Variants in SPSB1 observed in about 807,000 individuals in gnomAD.
SPSB1 encodes the protein splA/ryanodine receptor domain and SOCS box containing 1.
SPSB1 carries 8 observed loss-of-function variants against 21.2 expected under a neutral mutation model. The observed-to-expected ratio is 0.38, with a 90% CI of 0.22 to 0.68. SPSB1 has a LOEUF of 0.68. Among genes scored for constraint, SPSB1 ranks in the 30% least tolerant of loss-of-function variants. The probability of loss-of-function intolerance (pLI) is 0.53; values close to 1 mark genes in which losing one functional copy is unlikely to be tolerated. For missense variants in SPSB1, 242 were observed against 377.8 expected (o/e 0.64, Z 2.98); for synonymous variants, 169 against 161.7 (o/e 1.05, Z -0.34).
At chr1:9,336,926 T>G (rs1640014357) in intron 1 of SPSB1, among the ~76,000 whole-genome samples, 1 of 152,166 alleles carries the variant, frequency 6.6e-6, no homozygotes, top group Non-Finnish European at 1.5e-5. Flanking sequence ...CACCTCCCCT[T>G]CTGGTGCCTG....
At chr1:9,301,391 T>C (rs1380295660) in intron 1 of SPSB1, among the ~76,000 whole-genome samples, 1 of 152,086 alleles carries the variant, frequency 6.6e-6, no homozygotes. Context: ...TCCCAGCTAC[T>C]TGGGAGGCTG....
rs1026232577 is a variant in SPSB1 at position 9,346,196 on chromosome 1, CG to C, written c.-149-9545del. Among the ~76,000 whole-genome samples, 1 of 152,192 alleles carries C rather than the reference CG, an allele frequency of 6.6e-6. No homozygotes were observed. Among genetic ancestry groups the C allele is most frequent in the Admixed American group, 6.5e-5 (1 of 15,286 alleles). ...GCCACCACTGATGTGTGAGACGGGG[CG>C]GCAGAGGGAGGGAACTTACGTGATC... On this transcript the variant is annotated intron_variant, in intron 1 of 2. Coordinates refer to ENST00000328089, the MANE Select transcript of SPSB1 (RefSeq NM_025106.4). The surrounding 1 kb of genome is among the most constrained non-coding windows in gnomAD (Gnocchi z 4.4).
At chr1:9,334,387 A>C (rs1034605133) in intron 1 of SPSB1, among the ~76,000 whole-genome samples, 1 of 152,018 alleles carries the variant, frequency 6.6e-6, no homozygotes, top group Non-Finnish European at 1.5e-5. Context: ...TGCCTGGTCA[A>C]TTTTTGTATT....
At chr1:9,325,224 C>CA (rs1639796971) in intron 1 of SPSB1, among the ~76,000 whole-genome samples, 1 of 140,978 alleles carries the variant, frequency 7.1e-6, no homozygotes, top group African/African-American at 2.8e-5. Flanking sequence ...CTCCCACCAC[C>CA]ACCCCCCCCC....
In SPSB1 at chr1:9,293,376, G is replaced by T. The variant is rs1202809800; in HGVS notation, c.-150+305G>T. 2.0e-5 allele frequency among the ~76,000 whole-genome samples: 3 copies of T among 151,276 alleles called. No individual in the cohort carries two copies. The highest frequency in any genetic ancestry group is 7.3e-5 in the African/African-American group (3 of 41,320). ...GGCGAGGCGCGGCGGGGGTCTCGGG[G>T]CGCGGGGACCGTCGCAACGAGTTGC... On this transcript the variant is annotated intron_variant, in intron 1 of 2. Transcript: ENST00000328089. This position sits in a 1 kb window ranked among gnomAD's most constrained non-coding sequence, Gnocchi z 5.1.
intron 1 of SPSB1, among the ~76,000 whole-genome samples, chr1:9,312,045 G>A (rs1197729166): frequency 3.9e-5 from 6 of 152,152 alleles, no homozygotes; most frequent in South Asian, 2.1e-4. Flanking sequence ...GTGCAGTGGC[G>A]TGATCATAGC....
At position 9,345,431 on chromosome 1, in the gene SPSB1, C is replaced by T. The variant is rs1640154167; in HGVS notation, c.-149-10312C>T. Reference sequence around the variant, plus strand: ...GCCGAGGCTAGGCAGTGTCGGTGGTCCATAGTCCACGTTTTATTCCTCTTG... The same window carrying T: ...GCCGAGGCTAGGCAGTGTCGGTGGTTCATAGTCCACGTTTTATTCCTCTTG... On this transcript the variant is annotated intron_variant, in intron 1 of 2. Transcript: ENST00000328089. The surrounding 1 kb of genome is among the most constrained non-coding windows in gnomAD (Gnocchi z 4.8). 1.3e-5 allele frequency among the ~76,000 whole-genome samples: 2 copies of T among 152,146 alleles called. No homozygotes were observed. The highest frequency in any genetic ancestry group is 4.1e-4 in the South Asian group (2 of 4,824).
intron 1 of SPSB1, among the ~76,000 whole-genome samples, chr1:9,337,927 G>T (rs1265909409): frequency 1.3e-5 from 2 of 152,232 alleles, no homozygotes; most frequent in Non-Finnish European, 2.9e-5. Context: ...GTGACCTGGT[G>T]GCTCTTCCGG....
At chr1:9,361,627 G>A (rs1270845513) in intron 2 of SPSB1, among the ~76,000 whole-genome samples, 1 of 152,240 alleles carries the variant, frequency 6.6e-6, no homozygotes, top group East Asian at 1.9e-4. Flanking sequence ...ACGTTTCCCT[G>A]TGCGGCCTCC....
At chr1:9,310,531 A>C (rs1320845840) in intron 1 of SPSB1, among the ~76,000 whole-genome samples, 3 of 152,164 alleles carry the variant, frequency 2.0e-5, no homozygotes, top group Admixed American at 1.3e-4. Flanking sequence ...CGTCTCTACT[A>C]AAAATACAGA....
chr1:9,367,826 T>G lies in SPSB1; in HGVS notation c.*251T>G. On this transcript the variant is annotated 3_prime_UTR_variant, in exon 3 of 3. Coordinates refer to ENST00000328089, the MANE Select transcript of SPSB1 (RefSeq NM_025106.4). This position sits in a 1 kb window ranked among gnomAD's most constrained non-coding sequence, Gnocchi z 5.9. ...ATGCCGTCCGTATACAACCCCTCTT[T>G]GAAAAAAGACACAGAGAATAAACTC... 1.9e-6 allele frequency: 1 copy of G among 539,050 alleles called. No individual in the cohort carries two copies. 33.4% of individuals were successfully genotyped at this position (539,050 alleles called of 1,614,324 possible).
rs1002339886 is a variant in SPSB1 at position 9,346,641 on chromosome 1, T to C, written c.-149-9102T>C. ...CCATCGGGGGGTTGCCGGCAGGTGC[T>C]GTGCAGTCTGGCCTGTCTCAGCCTC... On this transcript the variant is annotated intron_variant, in intron 1 of 2. Coordinates refer to ENST00000328089, the MANE Select transcript of SPSB1 (RefSeq NM_025106.4). This position sits in a 1 kb window ranked among gnomAD's most constrained non-coding sequence, Gnocchi z 4.4. Among the ~76,000 whole-genome samples, 1 of 152,200 alleles carries C rather than the reference T, an allele frequency of 6.6e-6. No individual in the cohort carries two copies. The highest frequency in any genetic ancestry group is 2.4e-5 in the African/African-American group (1 of 41,434).
Position 9,355,755 on chromosome 1 carries a change from A to C in SPSB1, c.-137A>C. On this transcript the variant is annotated 5_prime_UTR_variant, in exon 2 of 3. Coordinates refer to ENST00000328089, the MANE Select transcript of SPSB1 (RefSeq NM_025106.4). ...TTCCGTCCATTAGGCAATACTGAAC[A>C]CTGCGCAGCTTGCAGAGGTCTCCTG... 1 of 1,465,596 alleles carries C rather than the reference A, an allele frequency of 6.8e-7. No homozygotes were observed. The highest frequency in any genetic ancestry group is 9.0e-7 in the Non-Finnish European group (1 of 1,110,014). The allele number at this position is 1,465,596 out of a possible 1,614,324, so 90.8% of individuals were successfully genotyped here.
At chr1:9,343,311 A>G (rs749017985) in intron 1 of SPSB1, among the ~76,000 whole-genome samples, 2 of 152,148 alleles carry the variant, frequency 1.3e-5, no homozygotes, top group African/African-American at 2.4e-5. Flanking sequence ...TTCTGTTTCT[A>G]TGGATTTGCC....
Position 9,318,654 on chromosome 1 carries a change from G to A in SPSB1, c.-150+25583G>A, listed in dbSNP as rs552419323. On this transcript the variant is annotated intron_variant, in intron 1 of 2. Transcript: ENST00000328089. The stretch of plus-strand genomic sequence containing the variant: ...GTGCAGGATTGACCAAAGCCAGACC[G>A]TGTGGCTGGTGCCTCGGAGGCAGCT... Among the ~76,000 whole-genome samples, 4 of 152,324 alleles carry A rather than the reference G, an allele frequency of 2.6e-5. No homozygotes were observed. In the South Asian group the frequency reaches 6.2e-4, roughly 24 times the overall value.
chr1:9,357,761 G>A (rs557559632), intron 2 of SPSB1, among the ~76,000 whole-genome samples: 2 of 152,356 alleles, frequency 1.3e-5, no homozygotes, highest in East Asian at 3.9e-4. Flanking sequence ...GCTGGTGTGG[G>A]AGGTGAAGGC....
At chr1:9,341,521 G>A (rs760250128) in intron 1 of SPSB1, among the ~76,000 whole-genome samples, 5 of 152,202 alleles carry the variant, frequency 3.3e-5, no homozygotes, top group Non-Finnish European at 7.3e-5. Flanking sequence ...TTGGACTTGG[G>A]TGTTTTCCCA....
chr1:9,355,928 G>A lies in SPSB1; in HGVS notation c.37G>A (p.Asp13Asn), dbSNP rs1195624735. The change falls in exon 2 of 3, where the codon GAC becomes AAC. Residue 13 changes from aspartate (D) to asparagine (N), a missense_variant. Asp to Asn is a conservative substitution (Grantham distance 23). Transcript: ENST00000328089. ...QKVTGGIKTV[D>N]MRDPTYRPLK... Reference sequence around the variant, plus strand: ...GGTCACTGGAGGGATCAAGACTGTGGACATGAGGGACCCCACGTACAGGCC... The same window carrying A: ...GGTCACTGGAGGGATCAAGACTGTGAACATGAGGGACCCCACGTACAGGCC... The A allele has an allele frequency of 4.4e-6, 7 of 1,606,322 alleles. No homozygotes were observed. The highest frequency in any genetic ancestry group is 5.1e-6 in the Non-Finnish European group (6 of 1,175,702).
intron 1 of SPSB1, among the ~76,000 whole-genome samples, chr1:9,333,502 T>C (rs1408583652): frequency 6.6e-6 from 1 of 152,108 alleles, no homozygotes; most frequent in Non-Finnish European, 1.5e-5. Context: ...GGCTAATTTT[T>C]GTATTTTTAG....
Sources: gnomAD v4.1 joint callset for allele counts (sites outside exome capture counted in the v4.1 genomes callset) on GRCh38, gnomAD v4.1.1 for gene constraint, Gnocchi (gnomAD v3.1) non-coding constraint, MANE v1.5 for transcripts, NCBI Gene and HGNC (gene_info 2026-07-23, HGNC 2026-07-21) for gene names.